Variants in SPSB4 observed in about 807,000 individuals in gnomAD.
SPSB4 encodes splA/ryanodine receptor domain and SOCS box containing 4, also known as SPRY domain-containing SOCS box protein 4.
SPSB4 carries 21 observed loss-of-function variants against 20.9 expected under a neutral mutation model. The observed-to-expected ratio is 1.01, with a 90% CI of 0.71 to 1.45. SPSB4 has a LOEUF of 1.45. Ranked by LOEUF, SPSB4 falls within the 40% of genes most tolerant of loss-of-function variation. The pLI is 0.00. For missense variants in SPSB4, 399 were observed against 399.2 expected (o/e 1.00, Z 0.00); for synonymous variants, 207 against 183.8 (o/e 1.13, Z -1.02).
chr3:141,097,841 C>A (rs1938567681), intron 2 of SPSB4, among the ~76,000 whole-genome samples: 1 of 151,976 alleles, frequency 6.6e-6, no homozygotes, highest in South Asian at 2.1e-4. Flanking sequence ...GTGTAATTAC[C>A]AATAATAAGA....
At position 141,096,615 on chromosome 3, in the gene SPSB4, G is replaced by A. The variant is rs538345575; in HGVS notation, c.694+29817G>A. ...TTTCTAATTCCATACTCTTTGTGCT[G>A]TCTCTCTTTTTCCAGCATGTGCTGC... is the stretch of plus-strand genomic sequence containing the variant. On this transcript the variant is annotated intron_variant, in intron 2 of 2. Transcript: ENST00000310546. 9.2e-5 allele frequency among the ~76,000 whole-genome samples: 14 copies of A among 151,886 alleles called. No individual in the cohort carries two copies. The South Asian group carries it at 2.1e-3, about 23-fold the overall frequency.
intron 2 of SPSB4, among the ~76,000 whole-genome samples, chr3:141,086,872 C>A (rs1468810580): frequency 6.6e-6 from 1 of 152,166 alleles, no homozygotes; most frequent in Non-Finnish European, 1.5e-5. Flanking sequence ...GAAACTGAGG[C>A]ATAGAGGCTT....
chr3:141,116,589 C>G (rs1938883839), intron 2 of SPSB4, among the ~76,000 whole-genome samples: 1 of 152,216 alleles, frequency 6.6e-6, no homozygotes. Flanking sequence ...TAACTGTGAC[C>G]TTGAGCAAGT....
At chr3:141,074,417 G>A (rs1405995348) in intron 2 of SPSB4, among the ~76,000 whole-genome samples, 1 of 152,128 alleles carries the variant, frequency 6.6e-6, no homozygotes, top group Non-Finnish European at 1.5e-5. Context: ...ATTAAATATA[G>A]AAATAATTAT....
intron 2 of SPSB4, among the ~76,000 whole-genome samples, chr3:141,106,120 C>G (rs1448259520): frequency 6.6e-6 from 1 of 152,234 alleles, no homozygotes; most frequent in African/African-American, 2.4e-5. Context: ...GTCAGCCACT[C>G]CAGCCCTCTA....
intron 2 of SPSB4, among the ~76,000 whole-genome samples, chr3:141,100,573 G>A (rs2107795069): frequency 6.6e-6 from 1 of 152,334 alleles, no homozygotes; most frequent in East Asian, 1.9e-4. Context: ...CCAGCCTCCA[G>A]AACTGTGAGG....
intron 1 of SPSB4, among the ~76,000 whole-genome samples, chr3:141,052,764 C>A (rs1936117853): frequency 6.6e-6 from 1 of 152,034 alleles, no homozygotes; most frequent in Non-Finnish European, 1.5e-5. Flanking sequence ...GCTCAGGAAA[C>A]CCTAGGCGCA....
chr3:141,098,971 G>T (rs1273194798), intron 2 of SPSB4, among the ~76,000 whole-genome samples: 1 of 152,146 alleles, frequency 6.6e-6, no homozygotes, highest in Admixed American at 6.5e-5. Context: ...ACATGAAAAA[G>T]AGACCAGATG....
intron 2 of SPSB4, among the ~76,000 whole-genome samples, chr3:141,081,415 C>A (rs1311966991): frequency 2.6e-5 from 4 of 152,268 alleles, no homozygotes; most frequent in Admixed American, 6.5e-5. Context: ...CATGGGACTT[C>A]TTCTGGGCCA....
intron 2 of SPSB4, among the ~76,000 whole-genome samples, chr3:141,113,868 G>T (rs1938844193): frequency 6.6e-6 from 1 of 152,230 alleles, no homozygotes; most frequent in Admixed American, 6.5e-5. Context: ...GGCCAAGGCG[G>T]GCAGATCGCT....
At position 141,102,942 on chromosome 3, in the gene SPSB4, A is replaced by G. The variant is rs560738858; in HGVS notation, c.694+36144A>G. ...TGCCTCTACCTCACACTTGGACTCC[A>G]GGACTCCCCTCTATTCCCAGACCCT... is the stretch of plus-strand genomic sequence containing the variant. On this transcript the variant is annotated intron_variant, in intron 2 of 2. Transcript: ENST00000310546. Among the ~76,000 whole-genome samples the G allele has an allele frequency of 2.6e-5, 4 of 152,320 alleles. No individual in the cohort carries two copies. The East Asian group carries it at 7.7e-4, about 29-fold the overall frequency.
intron 2 of SPSB4, among the ~76,000 whole-genome samples, chr3:141,097,426 T>G (rs1360558897): frequency 2.0e-5 from 3 of 152,192 alleles, no homozygotes; most frequent in Non-Finnish European, 2.9e-5. Flanking sequence ...TGTTTGTTTG[T>G]TTTTTGGTTT....
At chr3:141,120,813 G>A (rs1214788410) in intron 2 of SPSB4, among the ~76,000 whole-genome samples, 12 of 152,024 alleles carry the variant, frequency 7.9e-5, no homozygotes, top group East Asian at 5.8e-4. Context: ...GTCTCTGCAC[G>A]TGAGATGGGT....
intron 2 of SPSB4, among the ~76,000 whole-genome samples, chr3:141,109,933 T>A (rs1938766329): frequency 6.6e-6 from 1 of 152,164 alleles, no homozygotes; most frequent in Admixed American, 6.5e-5. Context: ...TTAACTCACG[T>A]CCTGTGGCAA....
chr3:141,139,939 G>C (rs1939296078), intron 2 of SPSB4, among the ~76,000 whole-genome samples: 2 of 152,046 alleles, frequency 1.3e-5, no homozygotes, highest in South Asian at 4.2e-4. Flanking sequence ...TTTCCAACTT[G>C]GTTCCATTCT....
intron 2 of SPSB4, among the ~76,000 whole-genome samples, chr3:141,143,165 T>C (rs1328726471): frequency 6.6e-6 from 1 of 152,202 alleles, no homozygotes; most frequent in African/African-American, 2.4e-5. Context: ...GTTTTGTCTG[T>C]TATAAGAATC....
At chr3:141,112,788 G>A (rs973164316) in intron 2 of SPSB4, among the ~76,000 whole-genome samples, 11 of 152,112 alleles carry the variant, frequency 7.2e-5, no homozygotes, top group Admixed American at 1.3e-4. Context: ...CTCAGTCCTC[G>A]GAGTGGCCAG....
chr3:141,094,393 A>C (rs1219404137), intron 2 of SPSB4, among the ~76,000 whole-genome samples: 1 of 152,056 alleles, frequency 6.6e-6, no homozygotes, highest in Non-Finnish European at 1.5e-5. Context: ...TCCAGGGGAG[A>C]GTCTCTGCTC....
At chr3:141,085,496 C>G (rs971398830) in intron 2 of SPSB4, among the ~76,000 whole-genome samples, 1 of 152,168 alleles carries the variant, frequency 6.6e-6, no homozygotes, top group African/African-American at 2.4e-5. Context: ...ACCCACATTC[C>G]AGGCAGCAGA....
Sources: gnomAD v4.1 joint callset for allele counts (sites outside exome capture counted in the v4.1 genomes callset) on GRCh38, gnomAD v4.1.1 for gene constraint, MANE v1.5 for transcripts, NCBI Gene and HGNC (gene_info 2026-07-23, HGNC 2026-07-21) for gene names.